Variants in SGCZ observed in about 807,000 individuals in gnomAD.
SGCZ encodes the protein sarcoglycan zeta.
SGCZ carries 40 observed loss-of-function variants against 41.3 expected under a neutral mutation model. The ratio of observed to expected loss-of-function variants is 0.97; its 90% CI spans 0.75 to 1.26. SGCZ has a LOEUF of 1.26. Among genes scored for constraint, SGCZ ranks in the 50% most tolerant of loss-of-function variants. The probability of loss-of-function intolerance (pLI) is 0.00; values close to 1 mark genes in which losing one functional copy is unlikely to be tolerated. For missense variants in SGCZ, 552 were observed against 369.8 expected, an observed-to-expected ratio of 1.49 and a Z score of -4.04; for synonymous variants, 206 against 137.5, an observed-to-expected ratio of 1.50 and a Z score of -3.49.
chr8:14,660,571 CAAAAAAAAAA>C (rs71304960), intron 1 of SGCZ, among the ~76,000 whole-genome samples: 1 of 67,296 alleles, frequency 1.5e-5, no homozygotes, highest in Non-Finnish European at 3.2e-5. Context: ...AACTCCATCT[CAAAAAAAAAA>C]AAAAAAAAAG....
At chr8:14,262,023 A>G (rs895536112) in intron 3 of SGCZ, among the ~76,000 whole-genome samples, 8 of 152,216 alleles carry the variant, frequency 5.3e-5, no homozygotes, top group Non-Finnish European at 8.8e-5. Flanking sequence ...AAGCACGACA[A>G]AATAGGCACT....
intron 1 of SGCZ, among the ~76,000 whole-genome samples, chr8:15,014,382 T>C (rs6990730): frequency 6.6e-6 from 1 of 152,154 alleles, no homozygotes; most frequent in Non-Finnish European, 1.5e-5. Context: ...CAAATAATAT[T>C]ATCCACTTAC....
chr8:14,099,222 G>T (rs1472621320), intron 7 of SGCZ, among the ~76,000 whole-genome samples: 1 of 152,138 alleles, frequency 6.6e-6, no homozygotes, highest in Non-Finnish European at 1.5e-5. Flanking sequence ...GTTCTGCCAA[G>T]GCAGTGACGC....
At chr8:15,110,054 G>C (rs972010407) in intron 1 of SGCZ, among the ~76,000 whole-genome samples, 4 of 152,106 alleles carry the variant, frequency 2.6e-5, no homozygotes, top group African/African-American at 9.7e-5. Flanking sequence ...TAATTATTCA[G>C]AGACATTTTA....
At chr8:14,606,087 C>A (rs1289876839) in intron 1 of SGCZ, among the ~76,000 whole-genome samples, 2 of 151,872 alleles carry the variant, frequency 1.3e-5, no homozygotes, top group Non-Finnish European at 2.9e-5. Flanking sequence ...ACTAATATAT[C>A]CATATTTCTC....
At chr8:14,511,777 C>A (rs1222606293) in intron 2 of SGCZ, among the ~76,000 whole-genome samples, 1 of 152,096 alleles carries the variant, frequency 6.6e-6, no homozygotes, top group East Asian at 1.9e-4. Flanking sequence ...ACTGTAGTTC[C>A]CAAATTCCCC....
chr8:15,086,035 G>C (rs1384178546), intron 1 of SGCZ, among the ~76,000 whole-genome samples: 1 of 152,110 alleles, frequency 6.6e-6, no homozygotes, highest in Non-Finnish European at 1.5e-5. Context: ...TTTGCTTCTA[G>C]AGCCTGGTGA....
At chr8:14,808,058 T>TA (rs1801605720) in intron 1 of SGCZ, among the ~76,000 whole-genome samples, 1 of 152,066 alleles carries the variant, frequency 6.6e-6, no homozygotes, top group Non-Finnish European at 1.5e-5. Flanking sequence ...ATCCCTTCCT[T>TA]ACACCTTATA....
chr8:15,166,985 C>A lies in SGCZ; in HGVS notation c.39+70600G>T, dbSNP rs185759115. Among the ~76,000 whole-genome samples the A allele has an allele frequency of 3.6e-3, 550 of 151,652 alleles. 3 individuals carry two copies. The highest frequency in any genetic ancestry group is 0.027 in the Middle Eastern group (8 of 294). ...AGGAAGCTGAAGCGAATCTTTTTGA[C>A]TTTTGTTTAGAAAATTGCTGATTCT... is the stretch of plus-strand genomic sequence containing the variant. On this transcript the variant is annotated intron_variant, in intron 1 of 7. Coordinates refer to ENST00000382080, the MANE Select transcript of SGCZ (RefSeq NM_139167.4).
At chr8:14,501,898 T>A (rs1802166531) in intron 2 of SGCZ, among the ~76,000 whole-genome samples, 1 of 152,148 alleles carries the variant, frequency 6.6e-6, no homozygotes, top group South Asian at 2.1e-4. Flanking sequence ...GGTAAATGTA[T>A]ATTGAAATAA....
At chr8:14,155,826 G>A (rs1050746116) in intron 5 of SGCZ, among the ~76,000 whole-genome samples, 3 of 152,038 alleles carry the variant, frequency 2.0e-5, no homozygotes, top group African/African-American at 7.2e-5. Flanking sequence ...AAACATCACA[G>A]AGTGTATTTA....
intron 5 of SGCZ, among the ~76,000 whole-genome samples, chr8:14,125,431 G>T (rs918445029): frequency 1.3e-5 from 2 of 151,340 alleles, no homozygotes; most frequent in South Asian, 2.1e-4. Flanking sequence ...GTGAACCAGG[G>T]AGGCAGAGCT....
chr8:14,590,274 T>G (rs1037823079), intron 1 of SGCZ, among the ~76,000 whole-genome samples: 6 of 152,070 alleles, frequency 3.9e-5, no homozygotes, highest in Non-Finnish European at 8.8e-5. Flanking sequence ...AAGTCATAAA[T>G]TCCTTAGCAC....
intron 1 of SGCZ, among the ~76,000 whole-genome samples, chr8:14,740,682 G>T (rs1799176133): frequency 6.6e-6 from 1 of 152,006 alleles, no homozygotes; most frequent in South Asian, 2.1e-4. Context: ...TCCTGGGATT[G>T]CTGGAGTGCT....
intron 2 of SGCZ, among the ~76,000 whole-genome samples, chr8:14,460,846 ATTATT>A (rs1216973241): frequency 2.2e-4 from 33 of 152,296 alleles, no homozygotes; most frequent in Admixed American, 8.5e-4. Context: ...AGTATTGTTA[ATTATT>A]TTATTTTAAT....
At position 14,813,667 on chromosome 8, in the gene SGCZ, C is replaced by T. The variant is rs925500140; in HGVS notation, c.40-258741G>A. Among the ~76,000 whole-genome samples, 24 of 152,046 alleles carry T rather than the reference C, an allele frequency of 1.6e-4. 1 individual carries two copies. The highest frequency in any genetic ancestry group is 1.5e-3 in the Admixed American group (23 of 15,242). On this transcript the variant is annotated intron_variant, in intron 1 of 7. Coordinates refer to ENST00000382080, the MANE Select transcript of SGCZ (RefSeq NM_139167.4). ...CTATAAACTTAAAATAATAATAAAG[C>T]AAGGCCGCGAGCAGTGGCTCACGCC... is the stretch of plus-strand genomic sequence containing the variant.
At chr8:14,124,363 T>G (rs1010215257) in intron 5 of SGCZ, among the ~76,000 whole-genome samples, 6 of 152,100 alleles carry the variant, frequency 3.9e-5, no homozygotes, top group Non-Finnish European at 8.8e-5. Flanking sequence ...ACATGGCAAT[T>G]TTATCCAACT....
chr8:14,097,981 A>G (rs1322907877), intron 7 of SGCZ, among the ~76,000 whole-genome samples: 3 of 152,116 alleles, frequency 2.0e-5, no homozygotes, highest in African/African-American at 7.2e-5. Context: ...GATCACTTAA[A>G]GTGGTATTTT....
intron 2 of SGCZ, among the ~76,000 whole-genome samples, chr8:14,388,849 A>G (rs1201168117): frequency 6.6e-6 from 1 of 151,326 alleles, no homozygotes; most frequent in Non-Finnish European, 1.5e-5. Context: ...GAAAAAAAAA[A>G]AGAAAATGAA....
Sources: gnomAD v4.1 joint callset for allele counts (sites outside exome capture counted in the v4.1 genomes callset) on GRCh38, gnomAD v4.1.1 for gene constraint, MANE v1.5 for transcripts, NCBI Gene and HGNC (gene_info 2026-07-23, HGNC 2026-07-21) for gene names.